SETD1A: variants seen among roughly 807,000 people sequenced by gnomAD.
SETD1A encodes histone-lysine N-methyltransferase SETD1A.
A neutral mutation model predicts 149.9 loss-of-function variants in SETD1A; 29 were observed. The observed-to-expected ratio is 0.19, with a 90% CI of 0.14 to 0.26. The LOEUF is 0.26. SETD1A is among the 10% of genes least tolerant of loss of function. The probability of loss-of-function intolerance (pLI) is 1.00; values close to 1 mark genes in which losing one functional copy is unlikely to be tolerated. For missense variants in SETD1A, 2,109 were observed against 2,353.1 expected, an observed-to-expected ratio of 0.90 and a Z score of 2.15; for synonymous variants, 1,141 against 968.5, an observed-to-expected ratio of 1.18 and a Z score of -3.31.
Position 30,980,154 on chromosome 16 carries a change from G to A in SETD1A, c.4368G>A (p.Gly1456=), listed in dbSNP as rs1268442837. Residue 1456 remains glycine, a synonymous_variant, in exon 14 of 19, where the codon GGG becomes GGA. Transcript: ENST00000262519. The surrounding 1 kb of genome is among the most constrained non-coding windows in gnomAD (Gnocchi z 7.7). ...TYERLLQQTS[G]ADWLNDTHWV... ...AGCGGCTGCTGCAGCAGACAAGCGG[G>A]GCTGACTGGCTCAACGACACTCACT... 2 of 1,609,232 alleles carry A rather than the reference G, an allele frequency of 1.2e-6. No individual in the cohort carries two copies. Among genetic ancestry groups the A allele is most frequent in the Non-Finnish European group, 8.5e-7 (1 of 1,178,402 alleles).
intron 13 of SETD1A, among the ~76,000 whole-genome samples, chr16:30,978,672 T>C (rs2056317803): frequency 6.6e-6 from 1 of 152,264 alleles, no homozygotes; most frequent in Non-Finnish European, 1.5e-5. Context: ...CGTGTTCACC[T>C]TGCTAAACTG....
At chr16:30,977,560 G>A (rs1350263252) in intron 13 of SETD1A, among the ~76,000 whole-genome samples, 3 of 152,228 alleles carry the variant, frequency 2.0e-5, no homozygotes, top group African/African-American at 7.2e-5. Context: ...TTCTTCGAGC[G>A]AGGCTTCCCG....
In SETD1A at chr16:30,965,419, A is replaced by G. The variant is rs747485122; in HGVS notation, c.1677A>G (p.Pro559=). The G allele has an allele frequency of 2.5e-6, 4 of 1,603,158 alleles. No individual in the cohort carries two copies. The highest frequency in any genetic ancestry group is 2.6e-6 in the Non-Finnish European group (3 of 1,171,798). Residue 559 remains proline, a synonymous_variant, in exon 7 of 19, where the codon CCA becomes CCG. Transcript: ENST00000262519. ...EDVAPTGSGE[P]GATRESPKAN... ...TGGCACCTACAGGGAGCGGGGAGCC[A>G]GGGGCTACCCGGGAGTCTCCCAAGG...
At position 30,980,151 on chromosome 16, in the gene SETD1A, C is replaced by A; in HGVS notation, c.4365C>A (p.Ser1455Arg). The A allele has an allele frequency of 6.2e-7, 1 of 1,610,272 alleles. No homozygotes were observed. The change falls in exon 14 of 19, where the codon AGC becomes AGA. Residue 1455 changes from serine to arginine, a missense_variant. Ser to Arg is a moderately radical substitution (Grantham distance 110). Transcript: ENST00000262519. The surrounding 1 kb of genome is among the most constrained non-coding windows in gnomAD (Gnocchi z 7.7). ...LTYERLLQQT[S>R]GADWLNDTHW... ...ACGAGCGGCTGCTGCAGCAGACAAG[C>A]GGGGCTGACTGGCTCAACGACACTC...
At chr16:30,979,057 G>A in intron 13 of SETD1A, 88 bp from the exon 14 acceptor site, 2 of 1,335,958 alleles carry the variant, frequency 1.5e-6, no homozygotes, top group African/African-American at 1.5e-5. Flanking sequence ...AAGTGGGGGA[G>A]AGCACACAGC....
At chr16:30,959,018 C>A in intron 2 of SETD1A, 73 bp from the exon 3 acceptor site, 1 of 1,440,700 alleles carries the variant, frequency 6.9e-7, no homozygotes, top group Non-Finnish European at 9.8e-7. Flanking sequence ...TGTGTGTGTC[C>A]AGATGGGCTG....
In SETD1A at chr16:30,980,671, C is replaced by T. The variant is rs576300287; in HGVS notation, c.4581+14C>T. 4.0e-5 allele frequency: 64 copies of T among 1,610,236 alleles called. No homozygotes were observed. The highest frequency in any genetic ancestry group is 1.5e-4 in the South Asian group (14 of 90,870). On this transcript the variant is annotated intron_variant, in intron 15 of 18. Transcript: ENST00000262519. The surrounding 1 kb of genome is among the most constrained non-coding windows in gnomAD (Gnocchi z 7.7). ...GTGGACACTCAGGTGGGCCTAACCC[C>T]GCCGCCGCGTCCTCCTGCCACTCAC...
In SETD1A at chr16:30,980,540, G is replaced by T; in HGVS notation, c.4464G>T (p.Glu1488Asp). The T allele has an allele frequency of 6.2e-7, 1 of 1,614,154 alleles. No individual in the cohort carries two copies. Among genetic ancestry groups the T allele is most frequent in the Non-Finnish European group, 8.5e-7 (1 of 1,180,026 alleles). ...GGCGGCCCCAGGATGGGCCCCGGGA[G>T]CACCAGACAGGCTCAGCCCGCAGCG... ...RKRRPQDGPR[E>D]HQTGSARSEG... The change falls in exon 15 of 19, where the codon GAG becomes GAT. Residue 1488 changes from glutamate to aspartate, a missense_variant. Glu to Asp is a conservative substitution (Grantham distance 45). This residue lies in a region of SETD1A where 254 missense variants were observed against 409.3 expected (regional missense o/e 0.62). Coordinates refer to ENST00000262519, the MANE Select transcript of SETD1A (RefSeq NM_014712.3). This position sits in a 1 kb window ranked among gnomAD's most constrained non-coding sequence, Gnocchi z 7.7.
chr16:30,979,186 C>G lies in SETD1A; in HGVS notation c.3400C>G (p.Pro1134Ala), dbSNP rs760857779. Residue 1134 changes from proline to alanine, a missense_variant, in exon 14 of 19, where the codon CCA becomes GCA. By Grantham distance (27) the Pro-to-Ala change is conservative. Around this residue, in one of 8 missense-constraint regions of SETD1A, gnomAD observed 832 missense variants for 815.6 expected, o/e 1.02. Coordinates refer to ENST00000262519, the MANE Select transcript of SETD1A (RefSeq NM_014712.3). ...ESPPSAPLRP[P>A]EPPAGPPAPA... ...ACCCCCCAGTGCGCCTCTGCGTCCC[C>G]CAGAACCACCTGCTGGGCCCCCGGC... 1 of 1,590,166 alleles carries G rather than the reference C, an allele frequency of 6.3e-7. No individual in the cohort carries two copies. Among genetic ancestry groups the G allele is most frequent in the Non-Finnish European group, 8.6e-7 (1 of 1,168,924 alleles).
Position 30,965,464 on chromosome 16 carries a change from G to T in SETD1A, c.1719+3G>T, listed in dbSNP as rs2056127577. The T allele has an allele frequency of 6.3e-7, 1 of 1,591,450 alleles. No individual in the cohort carries two copies. Among genetic ancestry groups the T allele is most frequent in the Non-Finnish European group, 8.6e-7 (1 of 1,164,612 alleles). The stretch of plus-strand genomic sequence containing the variant: ...CCAAGGCAAATGGACAGAACCAGGT[G>T]AGGTTGGGGTCAGCCAGAGGAGGCA... On this transcript the variant is annotated splice_donor_region_variant and intron_variant, in intron 7 of 18. Transcript: ENST00000262519.
chr16:30,973,474 C>T (rs2056249765), intron 13 of SETD1A, among the ~76,000 whole-genome samples: 1 of 151,904 alleles, frequency 6.6e-6, no homozygotes, highest in Admixed American at 6.6e-5. Context: ...ATCAACATGG[C>T]GAAACCCCAT....
rs34364894 is a variant in SETD1A at position 30,984,154 on chromosome 16, C to CA, written c.*133dup. The CA allele has an allele frequency of 1.2e-6, 1 of 812,260 alleles. No individual in the cohort carries two copies. Among genetic ancestry groups the CA allele is most frequent in the African/African-American group, 1.7e-5 (1 of 57,530 alleles). The allele number at this position is 812,260 out of a possible 1,614,324, so 50.3% of individuals were successfully genotyped here. A position where few individuals can be genotyped will look rare whatever the true frequency, so the allele number is the denominator to read the frequency against. The stretch of plus-strand genomic sequence containing the variant: ...TCTCCAAGCGTGGGGTTGGGGGCCC[C>CA]AAGCCCAGCGAGGGAGCCTCAGTCC... On this transcript the variant is annotated 3_prime_UTR_variant, in exon 19 of 19. Transcript: ENST00000262519.
At position 30,961,783 on chromosome 16, in the gene SETD1A, A is replaced by AAAT. The variant is rs1309224417; in HGVS notation, c.517+247_517+249dup. ...CATAACTATCTGTAAAAAAAAAAAA[A>AAAT]AATCATATGAAGGGTTGTACTAGGT... is the stretch of plus-strand genomic sequence containing the variant. On this transcript the variant is annotated intron_variant, in intron 4 of 18. Coordinates refer to ENST00000262519, the MANE Select transcript of SETD1A (RefSeq NM_014712.3). The surrounding 1 kb of genome is among the most constrained non-coding windows in gnomAD (Gnocchi z 4.0). Among the ~76,000 whole-genome samples the AAAT allele has an allele frequency of 6.6e-6, 1 of 152,180 alleles. No homozygotes were observed. The highest frequency in any genetic ancestry group is 1.5e-5 in the Non-Finnish European group (1 of 68,024).
At position 30,966,063 on chromosome 16, in the gene SETD1A, T is replaced by G; in HGVS notation, c.2182T>G (p.Leu728Val). The G allele has an allele frequency of 6.3e-7, 1 of 1,577,404 alleles. No homozygotes were observed. The highest frequency in any genetic ancestry group is 8.6e-7 in the Non-Finnish European group (1 of 1,160,698). ...FPPPQEAAYGLPYALYAQGQE... is the reference protein window; with the variant it reads ...FPPPQEAAYGVPYALYAQGQE... ...ACCCCCGCAGGAGGCAGCCTACGGC[T>G]TGCCGTATGCTCTATATGCACAGGG... Residue 728 changes from leucine (L) to valine (V), a missense_variant, in exon 8 of 19, where the codon TTG (leucine) becomes GTG (valine). Physicochemically the swap from Leu to Val is conservative, Grantham distance 32. Transcript: ENST00000262519.
chr16:30,976,383 G>T (rs888816344), intron 13 of SETD1A, among the ~76,000 whole-genome samples: 2 of 152,094 alleles, frequency 1.3e-5, no homozygotes, highest in African/African-American at 4.8e-5. Flanking sequence ...CAAGCCTCTC[G>T]CCTGGGCCTC....
At position 30,971,496 on chromosome 16, in the gene SETD1A, CTCCTCCTCGTCCTCA is replaced by C. The variant is rs750722920; in HGVS notation, c.3150_3164del (p.Ser1054_Ser1058del). 19 of 1,614,048 alleles carry C rather than the reference CTCCTCCTCGTCCTCA, an allele frequency of 1.2e-5. No individual in the cohort carries two copies. Among genetic ancestry groups the C allele is most frequent in the East Asian group, 6.7e-5 (3 of 44,858 alleles). On this transcript the variant is annotated inframe_deletion, in exon 13 of 19. Coordinates refer to ENST00000262519, the MANE Select transcript of SETD1A (RefSeq NM_014712.3). ...GCTCTTCCAGCTCCTCATCCTCCTC[CTCCTCCTCGTCCTCA>C]TCCTCCTCGTCCTCTTCATCCTCTG...
At position 30,971,399 on chromosome 16, in the gene SETD1A, C is replaced by T. The variant is rs142655588; in HGVS notation, c.3038C>T (p.Ser1013Leu). 3.8e-4 allele frequency: 606 copies of T among 1,589,146 alleles called. 2 individuals carry two copies. Among genetic ancestry groups the T allele is most frequent in the Non-Finnish European group, 4.0e-4 (460 of 1,162,638 alleles). The change falls in exon 13 of 19, where the codon TCG (serine) becomes TTG (leucine). Residue 1013 changes from serine (S) to leucine (L), a missense_variant. Transcript: ENST00000262519. The part of the protein sequence containing the change: ...VSDGEDEESD[S>L]SSKCSLYADS... ...CCAGGCGAGGACGAGGAAAGCGATT[C>T]GTCTTCCAAATGTTCTCTGTATGCT...
intron 3 of SETD1A, among the ~76,000 whole-genome samples, chr16:30,959,760 T>A (rs1201304165): frequency 6.6e-6 from 1 of 151,926 alleles, no homozygotes; most frequent in Non-Finnish European, 1.5e-5. Context: ...TTCTTTTTTT[T>A]TTTTTTACTT....
Position 30,958,890 on chromosome 16 carries a change from C to A in SETD1A, c.150+9C>A. 8.1e-6 allele frequency: 13 copies of A among 1,613,978 alleles called. No homozygotes were observed. The highest frequency in any genetic ancestry group is 1.1e-5 in the Non-Finnish European group (13 of 1,179,884). On this transcript the variant is annotated intron_variant, in intron 2 of 18. Coordinates refer to ENST00000262519, the MANE Select transcript of SETD1A (RefSeq NM_014712.3). ...TCCACTTCAGTGTCAACGTGAGTGC[C>A]CGGGTCTTTGGTTGCCATCCGGGGA...
Sources: allele counts gnomAD v4.1 joint callset (sites outside exome capture counted in the v4.1 genomes callset), GRCh38; gene constraint gnomAD v4.1.1; regional missense constraint gnomAD v4.1.1; non-coding constraint Gnocchi (gnomAD v3.1); transcripts MANE v1.5; gene names NCBI Gene and HGNC (gene_info 2026-07-23, HGNC 2026-07-21).